The following ANGPT2 variants were observed in gnomAD, a reference collection of about 807,000 sequenced individuals.
ANGPT2 encodes the protein angiopoietin-2.
A neutral mutation model predicts 62.9 loss-of-function variants in ANGPT2; 28 were observed. That is an observed-to-expected ratio of 0.44 (90% CI 0.33 to 0.61). The LOEUF (loss-of-function observed/expected upper bound fraction) is 0.61. Among genes scored for constraint, ANGPT2 ranks in the 20% least tolerant of loss-of-function variants. The probability of loss-of-function intolerance (pLI) is 0.03; values close to 1 mark genes in which losing one functional copy is unlikely to be tolerated. For synonymous variants in ANGPT2, 284 were observed against 207.8 expected (o/e 1.37, Z -3.15); for missense variants, 727 against 594.9 (o/e 1.22, Z -2.31).
At chr8:6,509,875 TG>T (rs1563316419) in intron 7 of ANGPT2, among the ~76,000 whole-genome samples, 1 of 152,214 alleles carries the variant, frequency 6.6e-6, no homozygotes, top group Non-Finnish European at 1.5e-5. Flanking sequence ...TTGTTCACCC[TG>T]GGGATCACAG....
chr8:6,513,643 T>G, intron 7 of ANGPT2, 35 bp downstream of exon 7: 1 of 1,583,644 alleles, frequency 6.3e-7, no homozygotes, highest in Non-Finnish European at 8.6e-7. Context: ...ACAAATCTTT[T>G]AATTTTTTCT....
intron 5 of ANGPT2, among the ~76,000 whole-genome samples, chr8:6,516,070 C>T (rs1473388617): frequency 6.6e-6 from 1 of 152,274 alleles, no homozygotes; most frequent in African/African-American, 2.4e-5. Flanking sequence ...TCACCCAGCT[C>T]GTATTGCCTT....
chr8:6,503,019 A>C lies in ANGPT2; in HGVS notation c.*82T>G. 1 of 1,522,732 alleles carries C rather than the reference A, an allele frequency of 6.6e-7. No homozygotes were observed. The highest frequency in any genetic ancestry group is 9.0e-7 in the Non-Finnish European group (1 of 1,112,164). The allele number at this position is 1,522,732 out of a possible 1,614,324, so 94.3% of individuals were successfully genotyped here. A position where few individuals can be genotyped will look rare whatever the true frequency, so the allele number is the denominator to read the frequency against. On this transcript the variant is annotated 3_prime_UTR_variant, in exon 9 of 9. Transcript: ENST00000629816. The stretch of plus-strand genomic sequence containing the variant: ...CGCCCTCTGTGGTGGAAGAGGACAC[A>C]GTGCGCAGCCGTGACTTTCAGTGCA...
In ANGPT2 at chr8:6,563,053, A is replaced by G. The variant is rs3739392; in HGVS notation, c.-119T>C. 0.13 allele frequency: 147,766 copies of G among 1,121,508 alleles called. 10,197 individuals are homozygous for G. Among genetic ancestry groups the G allele is most frequent in the South Asian group, 0.17 (10,353 of 59,978 alleles). 69.5% of individuals were successfully genotyped at this position (1,121,508 alleles called of 1,614,324 possible). On this transcript the variant is annotated 5_prime_UTR_variant, in exon 1 of 9. Coordinates refer to ENST00000629816, the MANE Select transcript of ANGPT2 (RefSeq NM_001118887.2). ...TACGCTGCCATGGCTGGGTCCGTCAATGAAAGTCTTCTCTTTCCTCTTTTT... is the reference window on the plus strand; with the variant it reads ...TACGCTGCCATGGCTGGGTCCGTCAGTGAAAGTCTTCTCTTTCCTCTTTTT...
chr8:6,534,601 A>C (rs1346053305), intron 1 of ANGPT2, among the ~76,000 whole-genome samples: 1 of 152,242 alleles, frequency 6.6e-6, no homozygotes, highest in Non-Finnish European at 1.5e-5. Context: ...ACCAAAACAG[A>C]GTAGACCACT....
intron 3 of ANGPT2, among the ~76,000 whole-genome samples, chr8:6,521,715 G>A (rs1960369): frequency 0.072 from 10,958 of 152,286 alleles, 485 homozygotes; most frequent in African/African-American, 0.12. Context: ...ATTAGATGCT[G>A]CAGCGCTCAG....
intron 7 of ANGPT2, among the ~76,000 whole-genome samples, chr8:6,510,912 C>T (rs532765488): frequency 7.8e-4 from 118 of 152,254 alleles, no homozygotes; most frequent in African/African-American, 2.5e-3. Context: ...TGAGACTGGC[C>T]GTAGCTCAGT....
chr8:6,514,186 C>G (rs893666012), intron 6 of ANGPT2, among the ~76,000 whole-genome samples: 10 of 152,074 alleles, frequency 6.6e-5, no homozygotes, highest in African/African-American at 2.4e-4. Flanking sequence ...TAAAAATAAG[C>G]TAAGTAGTGG....
At chr8:6,504,317 C>CTAA (rs1812825844) in intron 8 of ANGPT2, among the ~76,000 whole-genome samples, 1 of 85,906 alleles carries the variant, frequency 1.2e-5, no homozygotes, top group African/African-American at 4.5e-5. Context: ...GACTCCAGCT[C>CTAA]AAAAAAAAAA....
chr8:6,509,859 T>C (rs2922907), intron 7 of ANGPT2, among the ~76,000 whole-genome samples: 69,221 of 152,018 alleles, frequency 0.46, 16,175 homozygotes, highest in Middle Eastern at 0.53. Context: ...GTGCACGCAG[T>C]GTCTGTTGTT....
chr8:6,507,882 C>T (rs1483870169), intron 8 of ANGPT2: 1 of 152,090 alleles, frequency 6.6e-6, no homozygotes, highest in Non-Finnish European at 1.5e-5. Context: ...CGGGCCCGGC[C>T]AGAAAAATAA....
Position 6,500,072 on chromosome 8 carries a change from C to T in ANGPT2, c.*3029G>A. ...AAAAGACATTCACAGAACTTAACAC[C>T]TTTTATCAATTTATTCGCGAGAACA... On this transcript the variant is annotated 3_prime_UTR_variant, in exon 9 of 9. Transcript: ENST00000629816. The T allele has an allele frequency of 1.4e-6, 1 of 720,782 alleles. No individual in the cohort carries two copies. Among genetic ancestry groups the T allele is most frequent in the Non-Finnish European group, 2.5e-6 (1 of 405,820 alleles). The allele number at this position is 720,782 out of a possible 1,614,324, so 44.6% of individuals were successfully genotyped here. A position where few individuals can be genotyped will look rare whatever the true frequency, so the allele number is the denominator to read the frequency against.
intron 3 of ANGPT2, among the ~76,000 whole-genome samples, chr8:6,525,955 C>A (rs1818245234): frequency 6.6e-6 from 1 of 151,854 alleles, no homozygotes; most frequent in Non-Finnish European, 1.5e-5. Context: ...AATTTGAAAC[C>A]CAAGTGGGGA....
intron 4 of ANGPT2, among the ~76,000 whole-genome samples, chr8:6,520,428 C>G (rs750119504): frequency 9.2e-5 from 14 of 152,140 alleles, no homozygotes; most frequent in Non-Finnish European, 1.6e-4. Flanking sequence ...AGGCCATTAT[C>G]CCACTGAGGA....
intron 1 of ANGPT2, among the ~76,000 whole-genome samples, chr8:6,545,198 C>T (rs1384879995): frequency 6.6e-6 from 1 of 152,098 alleles, no homozygotes; most frequent in Admixed American, 6.6e-5. Flanking sequence ...AGGCTGTGAA[C>T]TGAGCAGTGG....
At chr8:6,509,748 C>T (rs1380034403) in intron 7 of ANGPT2, among the ~76,000 whole-genome samples, 1 of 152,160 alleles carries the variant, frequency 6.6e-6, no homozygotes, top group Non-Finnish European at 1.5e-5. Flanking sequence ...GCATGGAATA[C>T]ACCTGACCTT....
intron 7 of ANGPT2, among the ~76,000 whole-genome samples, chr8:6,510,709 A>G (rs914194166): frequency 5.9e-5 from 9 of 152,230 alleles, no homozygotes; most frequent in Non-Finnish European, 1.2e-4. Flanking sequence ...CCGTGTTTCA[A>G]CACTGGTGCA....
chr8:6,527,748 A>G (rs947698583), intron 2 of ANGPT2, 72 bp from the exon 3 acceptor site: 5 of 1,348,982 alleles, frequency 3.7e-6, no homozygotes, highest in Non-Finnish European at 5.1e-6. Flanking sequence ...CCTTTTCATT[A>G]AAGTACCCAA....
intron 1 of ANGPT2, among the ~76,000 whole-genome samples, chr8:6,545,966 G>C (rs919345225): frequency 3.3e-5 from 5 of 152,198 alleles, no homozygotes; most frequent in African/African-American, 1.2e-4. Flanking sequence ...TGGGGAAGTA[G>C]CGATATTTGT....
Sources: allele counts gnomAD v4.1 joint callset (sites outside exome capture counted in the v4.1 genomes callset), GRCh38; gene constraint gnomAD v4.1.1; transcripts MANE v1.5; gene names NCBI Gene and HGNC (gene_info 2026-07-23, HGNC 2026-07-21).